The following TPRG1 variants were observed in gnomAD, a reference collection of about 807,000 sequenced individuals.
The protein encoded by TPRG1 is tumor protein p63-regulated gene 1 protein.
Under a neutral mutation model 29.3 loss-of-function variants are expected in TPRG1, and 29 were observed. That is an observed-to-expected ratio of 0.99 (90% CI 0.74 to 1.35). The LOEUF is 1.35. TPRG1 is among the 40% of genes most tolerant of loss of function. TPRG1 has a pLI of 0.00. For missense variants in TPRG1, 327 were observed against 335.0 expected (o/e 0.98, Z 0.19); for synonymous variants, 130 against 116.8 (o/e 1.11, Z -0.73).
intron 1 of TPRG1, among the ~76,000 whole-genome samples, chr3:189,113,772 G>A (rs923763686): frequency 6.6e-6 from 1 of 151,484 alleles, no homozygotes; most frequent in African/African-American, 2.4e-5. Context: ...CTGTTGTGGG[G>A]TGGGGGGACG....
At chr3:189,137,278 G>A (rs983715990) in intron 3 of TPRG1, among the ~76,000 whole-genome samples, 62 of 148,678 alleles carry the variant, frequency 4.2e-4, no homozygotes, top group African/African-American at 1.5e-3. Flanking sequence ...AAAATAAACA[G>A]CTTCTGAAAA....
At chr3:189,057,887 C>G (rs9840853) in intron 4 of TPRG1, among the ~76,000 whole-genome samples, 1 of 137,112 alleles carries the variant, frequency 7.3e-6, no homozygotes, top group Admixed American at 7.2e-5. Context: ...TATATATATA[C>G]GTATACACAT....
intron 3 of TPRG1, among the ~76,000 whole-genome samples, chr3:189,143,995 G>A (rs184937453): frequency 1.4e-4 from 22 of 152,152 alleles, no homozygotes; most frequent in South Asian, 1.0e-3. Context: ...CCTACTTTAG[G>A]ATCTTCAGGA....
At chr3:189,022,975 G>C (rs888738637) in intron 3 of TPRG1, among the ~76,000 whole-genome samples, 1 of 152,010 alleles carries the variant, frequency 6.6e-6, no homozygotes, top group African/African-American at 2.4e-5. Flanking sequence ...ATTCGGGTGG[G>C]AGCGACCCGA....
chr3:189,200,002 G>A (rs1733199223), intron 1 of TPRG1, among the ~76,000 whole-genome samples: 2 of 152,222 alleles, frequency 1.3e-5, no homozygotes, highest in African/African-American at 2.4e-5. Flanking sequence ...GCAGAGAAGG[G>A]AAGCAAGAAA....
upstream of TPRG1, among the ~76,000 whole-genome samples, chr3:189,099,498 C>T (rs986361222): frequency 6.6e-6 from 1 of 152,102 alleles, no homozygotes; most frequent in African/African-American, 2.4e-5. Context: ...TCCAGGAAGC[C>T]GCTTCCTCCT....
intron 4 of TPRG1, among the ~76,000 whole-genome samples, chr3:189,056,743 C>T (rs1289669238): frequency 6.6e-6 from 1 of 152,158 alleles, no homozygotes; most frequent in Non-Finnish European, 1.5e-5. Context: ...TCTCTCAGTG[C>T]AGACAGATGA....
intron 3 of TPRG1, among the ~76,000 whole-genome samples, chr3:189,021,578 G>A (rs1320226914): frequency 6.6e-6 from 1 of 152,112 alleles, no homozygotes; most frequent in Non-Finnish European, 1.5e-5. Context: ...CTTCTGGCTT[G>A]TAGGGTTTCT....
chr3:189,271,142 G>A (rs1715056786), intron 4 of TPRG1, among the ~76,000 whole-genome samples: 3 of 152,160 alleles, frequency 2.0e-5, no homozygotes, highest in African/African-American at 7.2e-5. Flanking sequence ...GGGAAATGAC[G>A]GTAGAGCTGG....
chr3:189,140,829 C>A (rs1000826536), intron 3 of TPRG1, among the ~76,000 whole-genome samples: 2 of 152,150 alleles, frequency 1.3e-5, no homozygotes, highest in Admixed American at 1.3e-4. Context: ...AGTTTTGCAT[C>A]CCCTTCCTAG....
intron 4 of TPRG1, among the ~76,000 whole-genome samples, chr3:189,256,796 A>C (rs1461843909): frequency 1.3e-5 from 2 of 151,984 alleles, no homozygotes; most frequent in African/African-American, 4.8e-5. Context: ...TGTTGGTTTA[A>C]AGTCTGTTTT....
At chr3:189,285,817 C>T (rs1717964625) in intron 4 of TPRG1, among the ~76,000 whole-genome samples, 1 of 152,210 alleles carries the variant, frequency 6.6e-6, no homozygotes, top group East Asian at 1.9e-4. Flanking sequence ...TGATTTTCCC[C>T]TTAGACGATT....
At chr3:189,204,874 G>A (rs1193731384) in intron 1 of TPRG1, among the ~76,000 whole-genome samples, 1 of 151,920 alleles carries the variant, frequency 6.6e-6, no homozygotes, top group Non-Finnish European at 1.5e-5. Context: ...AGCTGCCAGG[G>A]ACAGGAAGGT....
intron 4 of TPRG1, among the ~76,000 whole-genome samples, chr3:189,074,797 T>C (rs1717034902): frequency 1.3e-5 from 2 of 151,072 alleles, no homozygotes; most frequent in South Asian, 4.2e-4. Context: ...ATCCTTATTT[T>C]AAAGTCTGTC....
chr3:189,074,215 T>G (rs1334864783), intron 4 of TPRG1, among the ~76,000 whole-genome samples: 1 of 145,074 alleles, frequency 6.9e-6, no homozygotes, highest in Non-Finnish European at 1.5e-5. Context: ...TTTTTTTTTT[T>G]TTTTTTTTGA....
chr3:189,040,001 C>T (rs1017376727), intron 4 of TPRG1, among the ~76,000 whole-genome samples: 8 of 152,106 alleles, frequency 5.3e-5, no homozygotes, highest in Non-Finnish European at 1.0e-4. Context: ...ACCATTGATC[C>T]ATTACTTTAA....
chr3:189,185,518 A>C (rs1309930095), intron 1 of TPRG1, among the ~76,000 whole-genome samples: 1 of 152,142 alleles, frequency 6.6e-6, no homozygotes, highest in Admixed American at 6.6e-5. Flanking sequence ...AAGCCACTGC[A>C]CCCAGCCTGG....
chr3:189,193,209 C>T (rs1459258702), intron 1 of TPRG1, among the ~76,000 whole-genome samples: 1 of 124,994 alleles, frequency 8.0e-6, no homozygotes, highest in Non-Finnish European at 1.6e-5. Context: ...AATTCCATTT[C>T]ACTGCAAACT....
intron 4 of TPRG1, among the ~76,000 whole-genome samples, chr3:189,274,492 AG>A: frequency 6.6e-6 from 1 of 152,284 alleles, no homozygotes; most frequent in Non-Finnish European, 1.5e-5. Flanking sequence ...TTAGACTAAA[AG>A]GGACGGTGAC....
Sources: allele counts gnomAD v4.1 joint callset (sites outside exome capture counted in the v4.1 genomes callset), GRCh38; gene constraint gnomAD v4.1.1; transcripts MANE v1.5; gene names NCBI Gene and HGNC (gene_info 2026-07-23, HGNC 2026-07-21).